The following FSTL4 variants were observed in gnomAD, a reference collection of about 807,000 sequenced individuals.
FSTL4 encodes follistatin-related protein 4.
In FSTL4, 28 loss-of-function variants were observed where a neutral mutation model predicts 78.2. The ratio of observed to expected loss-of-function variants is 0.36; its 90% CI spans 0.27 to 0.49. FSTL4 has a LOEUF of 0.49. Ranked by LOEUF, FSTL4 falls within the 20% of genes least tolerant of loss-of-function variation. FSTL4 has a pLI of 0.98. For missense variants in FSTL4, 922 were observed against 1,084.9 expected (o/e 0.85, Z 2.11); for synonymous variants, 422 against 440.5 (o/e 0.96, Z 0.53).
At chr5:133,517,447 A>AAAAATATATATATATAT (rs1554068019) in intron 3 of FSTL4, among the ~76,000 whole-genome samples, 1 of 16,402 alleles carries the variant, frequency 6.1e-5, no homozygotes, top group African/African-American at 2.8e-4. Flanking sequence ...AAAAAAAAAA[A>AAAAATATATATATATAT]ATATATATAT....
intron 5 of FSTL4, 59 bp downstream of exon 5, chr5:133,316,400 G>A: frequency 2.2e-6 from 3 of 1,358,408 alleles, no homozygotes; most frequent in Non-Finnish European, 3.1e-6. Context: ...GGGGGCCGGG[G>A]TGGGAAATGG....
the FSTL4 span, among the ~76,000 whole-genome samples, chr5:133,691,501 A>G: frequency 0.027 from 4,078 of 152,228 alleles, 89 homozygotes; most frequent in Non-Finnish European, 0.041. Context: ...AGGGATCATT[A>G]ACTTGAAGGC....
chr5:133,347,281 A>T (rs1267002453), intron 4 of FSTL4, among the ~76,000 whole-genome samples: 1 of 152,216 alleles, frequency 6.6e-6, no homozygotes, highest in Non-Finnish European at 1.5e-5. Context: ...GTCACACAGC[A>T]GGCTCAGTTT....
chr5:133,752,623 TA>T, the FSTL4 span, among the ~76,000 whole-genome samples: 3 of 151,808 alleles, frequency 2.0e-5, no homozygotes, highest in African/African-American at 7.3e-5. Context: ...TAAAATAAAA[TA>T]AAATTAAATT....
the FSTL4 span, among the ~76,000 whole-genome samples, chr5:133,824,853 T>C: frequency 6.6e-6 from 1 of 151,954 alleles, no homozygotes; most frequent in Non-Finnish European, 1.5e-5. Flanking sequence ...GGTTGCTAAA[T>C]GGTACCTGAG....
chr5:133,792,782 T>A, the FSTL4 span, among the ~76,000 whole-genome samples: 282 of 152,326 alleles, frequency 1.9e-3, no homozygotes, highest in African/African-American at 6.2e-3. Context: ...AAGTCAGCAG[T>A]GATCCCATGG....
At chr5:133,254,676 T>A (rs928191782) in intron 6 of FSTL4, among the ~76,000 whole-genome samples, 4 of 152,204 alleles carry the variant, frequency 2.6e-5, no homozygotes, top group Non-Finnish European at 4.4e-5. Flanking sequence ...ACGGTAAGAA[T>A]CGTCAGAACT....
the FSTL4 span, among the ~76,000 whole-genome samples, chr5:133,734,309 T>C: frequency 2.6e-5 from 4 of 152,192 alleles, no homozygotes; most frequent in Non-Finnish European, 5.9e-5. Flanking sequence ...GGATAGGTCT[T>C]ACACAGTACC....
the FSTL4 span, among the ~76,000 whole-genome samples, chr5:133,680,337 C>G: frequency 1.3e-5 from 2 of 152,196 alleles, no homozygotes; most frequent in Non-Finnish European, 2.9e-5. Context: ...AGGGGGCACA[C>G]CTATGATCCA....
chr5:133,219,508 A>C (rs1466125890), intron 12 of FSTL4, among the ~76,000 whole-genome samples: 1 of 152,232 alleles, frequency 6.6e-6, no homozygotes, highest in African/African-American at 2.4e-5. Flanking sequence ...TCCTTCTGGA[A>C]AAAGTAGACA....
chr5:133,356,940 C>A (rs1754956041), intron 4 of FSTL4, among the ~76,000 whole-genome samples: 1 of 152,222 alleles, frequency 6.6e-6, no homozygotes, highest in African/African-American at 2.4e-5. Flanking sequence ...AAGGGCCATG[C>A]CACCCACTTT....
At chr5:133,448,741 G>GTT (rs1004709722) in intron 3 of FSTL4, among the ~76,000 whole-genome samples, 2 of 127,460 alleles carry the variant, frequency 1.6e-5, no homozygotes, top group African/African-American at 3.3e-5. Context: ...TGCGGGGGCG[G>GTT]GGGGGGGGGG....
intron 3 of FSTL4, among the ~76,000 whole-genome samples, chr5:133,437,554 A>G (rs1157840674): frequency 2.1e-5 from 3 of 145,658 alleles, no homozygotes; most frequent in East Asian, 4.0e-4. Flanking sequence ...CAATGGTGCA[A>G]TCTTGGCTCA....
chr5:133,383,756 A>G (rs1488710864), intron 4 of FSTL4, among the ~76,000 whole-genome samples: 1 of 152,170 alleles, frequency 6.6e-6, no homozygotes, highest in Non-Finnish European at 1.5e-5. Context: ...GGTTGATTAA[A>G]TACCCAGATT....
the FSTL4 span, among the ~76,000 whole-genome samples, chr5:133,705,906 C>G: frequency 1.3e-5 from 2 of 151,922 alleles, no homozygotes; most frequent in Admixed American, 1.3e-4. Flanking sequence ...GGCTCTAGCA[C>G]TTCTCAGCTA....
chr5:133,607,721 G>A (rs1213486247), intron 1 of FSTL4, among the ~76,000 whole-genome samples: 2 of 152,144 alleles, frequency 1.3e-5, no homozygotes, highest in African/African-American at 2.4e-5. Flanking sequence ...CCCTGGCCCC[G>A]AGACTCTCCT....
chr5:133,395,362 C>T (rs1001437593), intron 4 of FSTL4, among the ~76,000 whole-genome samples: 1 of 152,180 alleles, frequency 6.6e-6, no homozygotes, highest in Non-Finnish European at 1.5e-5. Flanking sequence ...ACACTCACCG[C>T]GAAGGTCCGC....
intron 4 of FSTL4, among the ~76,000 whole-genome samples, chr5:133,343,407 C>G (rs1207374305): frequency 6.6e-6 from 1 of 152,194 alleles, no homozygotes; most frequent in Non-Finnish European, 1.5e-5. Flanking sequence ...CCCACGGCCA[C>G]CTCTCTGTTC....
the FSTL4 span, among the ~76,000 whole-genome samples, chr5:133,786,013 A>T: frequency 1.3e-5 from 2 of 152,140 alleles, no homozygotes; most frequent in African/African-American, 4.8e-5. Context: ...CTAACCATAC[A>T]CCCACGATGT....
Sources: allele counts gnomAD v4.1 joint callset (sites outside exome capture counted in the v4.1 genomes callset), GRCh38; gene constraint gnomAD v4.1.1; transcripts MANE v1.5; gene names NCBI Gene and HGNC (gene_info 2026-07-23, HGNC 2026-07-21).